Variants in CD96 observed in about 807,000 individuals in gnomAD.
CD96 encodes T-cell surface protein tactile.
A neutral mutation model predicts 71.3 loss-of-function variants in CD96; 70 were observed. The observed-to-expected ratio is 0.98, with a 90% CI of 0.81 to 1.20. The LOEUF is 1.20. CD96 is among the 50% of genes most tolerant of loss of function. CD96 has a pLI of 0.00. For synonymous variants in CD96, 248 were observed against 233.0 expected, an observed-to-expected ratio of 1.06 and a Z score of -0.59; for missense variants, 742 against 677.5, an observed-to-expected ratio of 1.10 and a Z score of -1.06.
At position 111,577,195 on chromosome 3, in the gene CD96, T is replaced by C. The variant is rs113649412; in HGVS notation, c.544-1832T>C. Among the ~76,000 whole-genome samples, 3 of 152,348 alleles carry C rather than the reference T, an allele frequency of 2.0e-5. 1 individual carries two copies. Among genetic ancestry groups the C allele is most frequent in the Admixed American group, 6.5e-5 (1 of 15,302 alleles). On this transcript the variant is annotated intron_variant, in intron 3 of 13. Transcript: ENST00000352690. The stretch of plus-strand genomic sequence containing the variant: ...CCAACTTCAGCATGTAACTGCTCTT[T>C]TTCCCACAACAAAGTGACAGTTGAT...
At chr3:111,606,565 G>A in intron 7 of CD96, 135 bp from the exon 8 acceptor site, 1 of 671,052 alleles carries the variant, frequency 1.5e-6, no homozygotes, top group Non-Finnish European at 2.7e-6. Context: ...CCACTGCCTT[G>A]ACCTTAATAG....
intron 12 of CD96, among the ~76,000 whole-genome samples, chr3:111,645,478 C>T (rs548577268): frequency 6.6e-6 from 1 of 152,138 alleles, no homozygotes; most frequent in East Asian, 1.9e-4. Context: ...AAAGAACTTA[C>T]TCATATAATC....
chr3:111,618,294 G>T (rs1938345507), intron 8 of CD96, among the ~76,000 whole-genome samples: 1 of 152,218 alleles, frequency 6.6e-6, no homozygotes, highest in Admixed American at 6.5e-5. Context: ...AGAATTTCTG[G>T]CTGGCAAAGC....
intron 1 of CD96, among the ~76,000 whole-genome samples, chr3:111,544,558 A>G (rs903415698): frequency 2.6e-5 from 4 of 152,210 alleles, no homozygotes; most frequent in African/African-American, 9.6e-5. Context: ...AAGATAAGAT[A>G]TGAAAGGCCC....
chr3:111,556,919 T>A (rs1421905011), intron 2 of CD96, among the ~76,000 whole-genome samples: 1 of 127,042 alleles, frequency 7.9e-6, no homozygotes, highest in African/African-American at 3.3e-5. Flanking sequence ...AGATGGTATC[T>A]CATAGTGGTT....
intron 2 of CD96, among the ~76,000 whole-genome samples, chr3:111,548,411 A>G (rs1934526024): frequency 1.3e-5 from 2 of 152,240 alleles, no homozygotes; most frequent in South Asian, 2.1e-4. Context: ...GAAATATAAT[A>G]AACAGTGTGA....
intron 4 of CD96, among the ~76,000 whole-genome samples, chr3:111,581,375 G>C (rs1936457969): frequency 6.6e-6 from 1 of 151,988 alleles, no homozygotes; most frequent in African/African-American, 2.4e-5. Context: ...TACATCCCTT[G>C]GTGATTCCTC....
At chr3:111,607,815 T>C (rs1456149921) in intron 8 of CD96, among the ~76,000 whole-genome samples, 1 of 152,200 alleles carries the variant, frequency 6.6e-6, no homozygotes, top group Non-Finnish European at 1.5e-5. Context: ...GTTCTTAATG[T>C]TTTGTAATTT....
chr3:111,583,104 A>T (rs950595705), intron 4 of CD96, among the ~76,000 whole-genome samples: 3 of 152,270 alleles, frequency 2.0e-5, no homozygotes, highest in Non-Finnish European at 4.4e-5. Context: ...GGGTATAAGC[A>T]TTCAGTAAAT....
chr3:111,578,387 T>C (rs1936316436), intron 3 of CD96, among the ~76,000 whole-genome samples: 1 of 152,156 alleles, frequency 6.6e-6, no homozygotes, highest in South Asian at 2.1e-4. Context: ...TGCATCCTCT[T>C]TGAAGCTAAC....
intron 1 of CD96, among the ~76,000 whole-genome samples, chr3:111,542,806 A>T (rs543906938): frequency 6.6e-6 from 1 of 152,326 alleles, no homozygotes; most frequent in Non-Finnish European, 1.5e-5. Context: ...TTAATGAGGC[A>T]TGTGTAGGTA....
At chr3:111,620,529 G>T (rs1175150774) in intron 8 of CD96, among the ~76,000 whole-genome samples, 2 of 152,162 alleles carry the variant, frequency 1.3e-5, no homozygotes, top group African/African-American at 4.8e-5. Flanking sequence ...TACATAATGA[G>T]TGAGGTCCCA....
chr3:111,580,606 C>A (rs1348278469), intron 4 of CD96, among the ~76,000 whole-genome samples: 2 of 152,176 alleles, frequency 1.3e-5, no homozygotes, highest in Non-Finnish European at 2.9e-5. Context: ...CTATTATTGG[C>A]AGTCATACAA....
intron 1 of CD96, 42 bp downstream of exon 1, chr3:111,542,351 T>A: frequency 7.0e-7 from 1 of 1,425,050 alleles, no homozygotes; most frequent in Non-Finnish European, 9.9e-7. Flanking sequence ...TGGGCCGCTT[T>A]AGGGGCGGAT....
intron 8 of CD96, among the ~76,000 whole-genome samples, chr3:111,616,108 A>G (rs1011819110): frequency 2.0e-5 from 3 of 152,082 alleles, no homozygotes; most frequent in African/African-American, 7.2e-5. Flanking sequence ...TATTTTCTCC[A>G]TAACACATTT....
At chr3:111,600,989 G>T (rs1937472155) in intron 7 of CD96, 75 bp downstream of exon 7, 5 of 921,910 alleles carry the variant, frequency 5.4e-6, no homozygotes, top group Non-Finnish European at 8.8e-6. Flanking sequence ...TTAATGGGAA[G>T]ATTATCACTT....
intron 2 of CD96, among the ~76,000 whole-genome samples, chr3:111,558,929 G>C (rs1014904887): frequency 6.6e-6 from 1 of 152,120 alleles, no homozygotes; most frequent in African/African-American, 2.4e-5. Flanking sequence ...TCCTGGTTTA[G>C]TCTTGGGAGA....
At chr3:111,632,057 C>A (rs745547003) in intron 10 of CD96, among the ~76,000 whole-genome samples, 20 of 152,048 alleles carry the variant, frequency 1.3e-4, no homozygotes, top group African/African-American at 3.9e-4. Context: ...GGATATAGGA[C>A]GGGCAAAGAT....
intron 8 of CD96, among the ~76,000 whole-genome samples, chr3:111,618,313 A>C (rs1938346942): frequency 6.6e-6 from 1 of 152,184 alleles, no homozygotes; most frequent in South Asian, 2.1e-4. Context: ...GCAAGACCTC[A>C]AGGATCCCGT....
Sources: gnomAD v4.1 joint callset for allele counts (sites outside exome capture counted in the v4.1 genomes callset) on GRCh38, gnomAD v4.1.1 for gene constraint, MANE v1.5 for transcripts, NCBI Gene and HGNC (gene_info 2026-07-23, HGNC 2026-07-21) for gene names.